NTN4: variants seen among roughly 807,000 people sequenced by gnomAD.
The protein encoded by NTN4 is netrin 4.
In NTN4, 32 loss-of-function variants were observed where a neutral mutation model predicts 73.6. The observed-to-expected ratio is 0.44, with a 90% CI of 0.33 to 0.58. The LOEUF (loss-of-function observed/expected upper bound fraction) is 0.58, where lower values mean the gene tolerates loss of function less well. Ranked by LOEUF, NTN4 falls within the 20% of genes least tolerant of loss-of-function variation. The pLI is 0.04. For missense variants in NTN4, 654 were observed against 798.3 expected (o/e 0.82, Z 2.18); for synonymous variants, 258 against 287.5 (o/e 0.90, Z 1.04).
chr12:95,682,378 C>A (rs1049580675), intron 7 of NTN4, among the ~76,000 whole-genome samples: 1 of 150,806 alleles, frequency 6.6e-6, no homozygotes, highest in South Asian at 2.1e-4. Flanking sequence ...GTGAGAAAAA[C>A]ATACCAAAGT....
At position 95,665,803 on chromosome 12, in the gene NTN4, TACTC is replaced by T; in HGVS notation, c.1750+3_1750+6del. The T allele has an allele frequency of 6.2e-7, 1 of 1,610,778 alleles. No homozygotes were observed. The highest frequency in any genetic ancestry group is 8.5e-7 in the Non-Finnish European group (1 of 1,178,238). On this transcript the variant is annotated splice_donor_5th_base_variant and intron_variant, in intron 9 of 9. Coordinates refer to ENST00000343702, the MANE Select transcript of NTN4 (RefSeq NM_021229.4). ...TAGGTACTAAGATAGGAAAGTCTAA[TACTC>T]ACCAGGATTGAGGATTGGACAAGTG...
intron 2 of NTN4, among the ~76,000 whole-genome samples, chr12:95,746,051 A>G (rs2078860054): frequency 6.6e-6 from 1 of 151,726 alleles, no homozygotes; most frequent in South Asian, 2.1e-4. Flanking sequence ...TCCTTTAATC[A>G]CCTAGACTTG....
intron 2 of NTN4, among the ~76,000 whole-genome samples, chr12:95,740,635 G>T (rs1293445740): frequency 6.6e-6 from 1 of 152,046 alleles, no homozygotes; most frequent in Non-Finnish European, 1.5e-5. Flanking sequence ...AGAAAAATCG[G>T]TCATGCAAAA....
At chr12:95,712,670 C>T (rs1318880175) in intron 4 of NTN4, among the ~76,000 whole-genome samples, 3 of 151,944 alleles carry the variant, frequency 2.0e-5, no homozygotes, top group South Asian at 4.2e-4. Context: ...GGCGTGATCT[C>T]GGCTCACTGC....
At chr12:95,667,156 G>A (rs1310283825) in intron 8 of NTN4, among the ~76,000 whole-genome samples, 1 of 151,808 alleles carries the variant, frequency 6.6e-6, no homozygotes, top group Non-Finnish European at 1.5e-5. Flanking sequence ...AAGGATCACT[G>A]AGCTACTCAG....
intron 2 of NTN4, among the ~76,000 whole-genome samples, chr12:95,749,464 T>C (rs2078887717): frequency 1.3e-5 from 2 of 152,232 alleles, no homozygotes; most frequent in African/African-American, 4.8e-5. Flanking sequence ...TTCTCCAACC[T>C]CTCTCACTGT....
chr12:95,770,063 C>T (rs2079047040), intron 2 of NTN4, among the ~76,000 whole-genome samples: 1 of 152,146 alleles, frequency 6.6e-6, no homozygotes. Context: ...GGCGGGTTTT[C>T]AATCTTGTCT....
At chr12:95,771,940 A>C (rs2079061604) in intron 2 of NTN4, among the ~76,000 whole-genome samples, 1 of 152,100 alleles carries the variant, frequency 6.6e-6, no homozygotes, top group Admixed American at 6.5e-5. Flanking sequence ...GTGATTTTAG[A>C]GTTTGCACCC....
chr12:95,687,565 A>AT (rs1477040908), intron 5 of NTN4, among the ~76,000 whole-genome samples: 1 of 151,196 alleles, frequency 6.6e-6, no homozygotes, highest in Non-Finnish European at 1.5e-5. Context: ...CATACCGGCT[A>AT]TTTTTTTGTA....
intron 2 of NTN4, among the ~76,000 whole-genome samples, chr12:95,770,570 A>G (rs2079050136): frequency 6.6e-6 from 1 of 152,210 alleles, no homozygotes; most frequent in Non-Finnish European, 1.5e-5. Context: ...CATCTGTTAC[A>G]AAAGAAACTG....
intron 2 of NTN4, among the ~76,000 whole-genome samples, chr12:95,749,031 T>G (rs2078883917): frequency 1.3e-5 from 2 of 152,206 alleles, no homozygotes; most frequent in South Asian, 4.1e-4. Context: ...CCATTAACCC[T>G]GTGAATTTCC....
At chr12:95,695,910 TCCTCCCTC>T (rs149136537) in intron 5 of NTN4, among the ~76,000 whole-genome samples, 4 of 148,586 alleles carry the variant, frequency 2.7e-5, no homozygotes, top group African/African-American at 1.0e-4. Flanking sequence ...TTCTCTCCCT[TCCTCCCTC>T]CCTCCCTCTT....
At chr12:95,704,182 C>T (rs1242168722) in intron 5 of NTN4, among the ~76,000 whole-genome samples, 1 of 152,178 alleles carries the variant, frequency 6.6e-6, no homozygotes, top group East Asian at 1.9e-4. Context: ...GCCAATGCGG[C>T]TGGTCTGCAG....
chr12:95,690,097 A>C (rs2078390691), intron 5 of NTN4, among the ~76,000 whole-genome samples: 1 of 151,378 alleles, frequency 6.6e-6, no homozygotes, highest in Non-Finnish European at 1.5e-5. Context: ...AGACGTTAGC[A>C]AATGGTAGAT....
At chr12:95,785,087 T>C (rs1038449046) in intron 2 of NTN4, among the ~76,000 whole-genome samples, 3 of 151,912 alleles carry the variant, frequency 2.0e-5, no homozygotes, top group Non-Finnish European at 4.4e-5. Context: ...TGCAATTTCA[T>C]AGATAAACAA....
chr12:95,769,750 T>C (rs1300594790), intron 2 of NTN4, among the ~76,000 whole-genome samples: 1 of 118,996 alleles, frequency 8.4e-6, no homozygotes, highest in African/African-American at 2.9e-5. Context: ...TAGGTTTCAA[T>C]CTTTTTTTTT....
At chr12:95,759,495 T>TG (rs922914941) in intron 2 of NTN4, among the ~76,000 whole-genome samples, 2 of 151,022 alleles carry the variant, frequency 1.3e-5, no homozygotes, top group Non-Finnish European at 3.0e-5. Context: ...ATTTTTGTTT[T>TG]TTTTTTTTTT....
Position 95,696,289 on chromosome 12 carries a change from CG to C in NTN4, c.1181-12579del, listed in dbSNP as rs2078441516. On this transcript the variant is annotated intron_variant, in intron 5 of 9. Transcript: ENST00000343702. The stretch of plus-strand genomic sequence containing the variant: ...TAAATTTATTTAGAGTCTATTTCCA[CG>C]GGGATAGAGACAATTTTGTTGTACA... Among the ~76,000 whole-genome samples, 4 of 151,838 alleles carry C rather than the reference CG, an allele frequency of 2.6e-5. No homozygotes were observed. In the South Asian group the frequency reaches 8.3e-4, roughly 32 times the overall value.
Position 95,790,398 on chromosome 12 carries a change from G to T in NTN4, c.-89C>A. The T allele has an allele frequency of 8.9e-7, 1 of 1,128,276 alleles. No homozygotes were observed. Among genetic ancestry groups the T allele is most frequent in the South Asian group, 1.6e-5 (1 of 60,972 alleles). 69.9% of individuals were successfully genotyped at this position (1,128,276 alleles called of 1,614,324 possible). On this transcript the variant is annotated 5_prime_UTR_variant, in exon 1 of 10. Coordinates refer to ENST00000343702, the MANE Select transcript of NTN4 (RefSeq NM_021229.4). The surrounding 1 kb of genome is among the most constrained non-coding windows in gnomAD (Gnocchi z 6.5). ...TGCGGGATGAAGCGCCGCCGTCCTC[G>T]GGAGGGAACGGGGCCCTGGTTTCTT...
Sources: allele counts gnomAD v4.1 joint callset (sites outside exome capture counted in the v4.1 genomes callset), GRCh38; gene constraint gnomAD v4.1.1; non-coding constraint Gnocchi (gnomAD v3.1); transcripts MANE v1.5; gene names NCBI Gene and HGNC (gene_info 2026-07-23, HGNC 2026-07-21).